CEP89: variants seen among roughly 807,000 people sequenced by gnomAD.
CEP89 encodes the protein centrosomal protein 89.
Under a neutral mutation model 97.6 loss-of-function variants are expected in CEP89, and 95 were observed. That is an observed-to-expected ratio of 0.97 (90% CI 0.82 to 1.15). The LOEUF (loss-of-function observed/expected upper bound fraction) is 1.15, where lower values mean the gene tolerates loss of function less well. CEP89 is among the 50% of genes most tolerant of loss of function. The pLI is 0.00. For missense variants in CEP89, 869 were observed against 947.7 expected, an observed-to-expected ratio of 0.92 and a Z score of 1.09; for synonymous variants, 354 against 349.1, an observed-to-expected ratio of 1.01 and a Z score of -0.16.
At chr19:32,910,078 T>C (rs1186887221) in intron 14 of CEP89, among the ~76,000 whole-genome samples, 1 of 152,150 alleles carries the variant, frequency 6.6e-6, no homozygotes, top group East Asian at 1.9e-4. Flanking sequence ...CTGGCCAACA[T>C]GGTGAAACCC....
chr19:32,953,777 TC>T lies in CEP89; in HGVS notation c.329del (p.Gly110GlufsTer62). On this transcript the variant is annotated frameshift_variant, in exon 4 of 19. Coordinates refer to ENST00000305768, the MANE Select transcript of CEP89 (RefSeq NM_032816.5). LOFTEE classifies it high-confidence loss of function. ...RPRPNWQSEMGRRSSLPSFET... is the reference protein window; with the variant it reads ...RPRPNWQSEMXRRSSLPSFET... ...CAAAGGATGGCAAAGAAGATCTTCT[TC>T]CCATCTCACTCTGCCAATTTGGCCT... 6.2e-7 allele frequency: 1 copy of T among 1,613,890 alleles called. No individual in the cohort carries two copies. The highest frequency in any genetic ancestry group is 2.2e-5 in the East Asian group (1 of 44,876).
chr19:32,926,125 A>G (rs1409878982), intron 11 of CEP89, 65 bp downstream of exon 11: 2 of 1,161,776 alleles, frequency 1.7e-6, no homozygotes, highest in Non-Finnish European at 2.6e-6. Flanking sequence ...AAATGTTTTT[A>G]TAAAATTTGA....
intron 9 of CEP89, among the ~76,000 whole-genome samples, chr19:32,930,786 C>G (rs1482355357): frequency 1.3e-5 from 2 of 152,226 alleles, no homozygotes; most frequent in African/African-American, 2.4e-5. Flanking sequence ...GAAAACTCTG[C>G]TTTCCTTTCG....
At chr19:32,950,395 C>T (rs1970886148) in intron 4 of CEP89, among the ~76,000 whole-genome samples, 1 of 152,088 alleles carries the variant, frequency 6.6e-6, no homozygotes, top group Non-Finnish European at 1.5e-5. Context: ...CTTGTCTCTA[C>T]TAAAAATATA....
At chr19:32,971,665 A>AC in intron 1 of CEP89, 171 bp downstream of exon 1, 1 of 670,090 alleles carries the variant, frequency 1.5e-6, no homozygotes, top group South Asian at 1.9e-5. Context: ...TCTTAAAAAA[A>AC]AAAAAAAAAG....
chr19:32,902,004 C>CTGTGTGTG lies in CEP89; in HGVS notation c.1566-593_1566-592insCACACACA, dbSNP rs1455977169. Among the ~76,000 whole-genome samples the CTGTGTGTG allele has an allele frequency of 8.4e-3, 846 of 100,206 alleles. 12 individuals are homozygous for CTGTGTGTG. The highest frequency in any genetic ancestry group is 0.04 in the South Asian group (128 of 3,176). 65.7% of individuals were successfully genotyped at this position (100,206 alleles called of 152,430 possible). ...TATGTCTCTGTCTCTCTGTCTCTCTCTCTCTCTGTGTGTGTGTGTGTGTGT... is the reference window on the plus strand; with the variant it reads ...TATGTCTCTGTCTCTCTGTCTCTCTCTGTGTGTGTCTCTCTGTGTGTGTGTGTGTGTGT... On this transcript the variant is annotated intron_variant, in intron 14 of 18. Transcript: ENST00000305768.
chr19:32,926,313 C>T (rs1438520701), intron 10 of CEP89, 40 bp from the exon 11 acceptor site: 12 of 1,404,736 alleles, frequency 8.5e-6, no homozygotes, highest in African/African-American at 1.4e-5. Flanking sequence ...ATATTTCTTA[C>T]ATCTAAACAC....
chr19:32,918,281 G>A lies in CEP89; in HGVS notation c.1327C>T (p.Gln443Ter). 1 of 1,614,160 alleles carries A rather than the reference G, an allele frequency of 6.2e-7. No individual in the cohort carries two copies. The highest frequency in any genetic ancestry group is 8.5e-7 in the Non-Finnish European group (1 of 1,180,016). ...GCTTTCCTTTGCTGAATCTCCAACTGCTCCAGCAACAACTTGTTTTCCTCT... is the reference window on the plus strand; with the variant it reads ...GCTTTCCTTTGCTGAATCTCCAACTACTCCAGCAACAACTTGTTTTCCTCT... ...VLEENKLLLE[Q>*]LEIQQRKAKD... Residue 443 changes from glutamine (Q) to a stop codon, truncating the protein, a stop_gained, in exon 13 of 19, where the codon CAG becomes TAG. Transcript: ENST00000305768. LOFTEE classifies it high-confidence loss of function.
chr19:32,913,562 A>G (rs1322823775), intron 14 of CEP89, among the ~76,000 whole-genome samples: 2 of 151,900 alleles, frequency 1.3e-5, no homozygotes, highest in African/African-American at 4.8e-5. Context: ...TTTTAGCACT[A>G]TAAGTCCCAC....
chr19:32,945,826 A>T (rs926531468), intron 5 of CEP89, among the ~76,000 whole-genome samples: 1 of 152,144 alleles, frequency 6.6e-6, no homozygotes, highest in Non-Finnish European at 1.5e-5. Context: ...TTGGGTGGCC[A>T]GCAACATGCA....
chr19:32,932,787 A>T (rs1039280864), intron 8 of CEP89, among the ~76,000 whole-genome samples: 10 of 95,682 alleles, frequency 1.0e-4, no homozygotes, highest in African/African-American at 3.4e-4. Flanking sequence ...AAAAAAATTA[A>T]AAAAAAAAAA....
chr19:32,934,298 C>A (rs1188480801), intron 7 of CEP89, among the ~76,000 whole-genome samples: 1 of 152,166 alleles, frequency 6.6e-6, no homozygotes, highest in Non-Finnish European at 1.5e-5. Context: ...CCCAGGGCAG[C>A]CTCTGCTGGG....
intron 4 of CEP89, among the ~76,000 whole-genome samples, chr19:32,949,454 T>A (rs1483574740): frequency 6.6e-6 from 1 of 152,064 alleles, no homozygotes; most frequent in Non-Finnish European, 1.5e-5. Flanking sequence ...GGCGCAATCA[T>A]GGCTTGCAGC....
intron 4 of CEP89, among the ~76,000 whole-genome samples, chr19:32,950,525 T>C (rs980228651): frequency 2.0e-5 from 3 of 152,168 alleles, no homozygotes; most frequent in Non-Finnish European, 4.4e-5. Context: ...GCCATTGCAC[T>C]CCAGCCTGTG....
intron 17 of CEP89, among the ~76,000 whole-genome samples, chr19:32,882,690 A>C (rs1034876713): frequency 5.3e-5 from 8 of 152,158 alleles, no homozygotes; most frequent in African/African-American, 1.9e-4. Flanking sequence ...TAATGCTGCC[A>C]CTGGTCAGCA....
At chr19:32,889,708 G>A (rs1162746556) in intron 16 of CEP89, among the ~76,000 whole-genome samples, 1 of 152,150 alleles carries the variant, frequency 6.6e-6, no homozygotes, top group African/African-American at 2.4e-5. Context: ...CCCAGGGACC[G>A]GGATTCCCTG....
chr19:32,919,102 G>A (rs188941367), intron 12 of CEP89, among the ~76,000 whole-genome samples: 1,562 of 152,006 alleles, frequency 0.01, 26 homozygotes, highest in African/African-American at 0.033. Flanking sequence ...AGCCAGGATG[G>A]TCTCGATCTC....
rs1970589813 is a variant in CEP89 at position 32,936,810 on chromosome 19, CT to C, written c.667+820del. ...AACCCTCTCCAGGGCTTCCTCTTTG[CT>C]GAGAGCTGCAGAGACAGTTGGGTGA... On this transcript the variant is annotated intron_variant, in intron 7 of 18. Coordinates refer to ENST00000305768, the MANE Select transcript of CEP89 (RefSeq NM_032816.5). The surrounding 1 kb of genome is among the most constrained non-coding windows in gnomAD (Gnocchi z 4.5). Among the ~76,000 whole-genome samples, 1 of 152,092 alleles carries C rather than the reference CT, an allele frequency of 6.6e-6. No homozygotes were observed. The highest frequency in any genetic ancestry group is 2.1e-4 in the South Asian group (1 of 4,826).
rs1969432292 is a variant in CEP89, at chr19:32,887,843, T to C, written c.1876-2A>G. On this transcript the variant is annotated splice_acceptor_variant, in intron 16 of 18. Transcript: ENST00000305768. LOFTEE classifies it high-confidence loss of function. ...CTTCTCACTTTCTAAACATTTTGCCTAGGGAGAAGGGTGATAAATGGGCTC... is the reference window on the plus strand; with the variant it reads ...CTTCTCACTTTCTAAACATTTTGCCCAGGGAGAAGGGTGATAAATGGGCTC... 1 of 1,586,348 alleles carries C rather than the reference T, an allele frequency of 6.3e-7. No individual in the cohort carries two copies. Among genetic ancestry groups the C allele is most frequent in the Non-Finnish European group, 8.7e-7 (1 of 1,156,036 alleles).
Sources: gnomAD v4.1 joint callset for allele counts (sites outside exome capture counted in the v4.1 genomes callset) on GRCh38, gnomAD v4.1.1 for gene constraint, Gnocchi (gnomAD v3.1) non-coding constraint, MANE v1.5 for transcripts, NCBI Gene and HGNC (gene_info 2026-07-23, HGNC 2026-07-21) for gene names.